The following WDPCP variants were observed in gnomAD, a reference collection of about 807,000 sequenced individuals.
WDPCP encodes the protein WD repeat containing planar cell polarity effector, also known as WD repeat-containing and planar cell polarity effector protein fritz homolog.
A neutral mutation model predicts 93.1 loss-of-function variants in WDPCP; 71 were observed. That is an observed-to-expected ratio of 0.76 (90% CI 0.63 to 0.93). The LOEUF (loss-of-function observed/expected upper bound fraction) is 0.93, where lower values mean the gene tolerates loss of function less well. Among genes scored for constraint, WDPCP ranks in the 40% least tolerant of loss-of-function variants. WDPCP has a pLI of 0.00. For missense variants in WDPCP, 844 were observed against 887.4 expected (o/e 0.95, Z 0.62); for synonymous variants, 315 against 315.0 (o/e 1.00, Z 0.00).
At chr2:63,289,968 G>T (rs1684283987) in intron 13 of WDPCP, among the ~76,000 whole-genome samples, 1 of 151,290 alleles carries the variant, frequency 6.6e-6, no homozygotes, top group Non-Finnish European at 1.5e-5. Context: ...AATAATTAAA[G>T]TGCTTCCCTT....
At chr2:63,440,238 C>T (rs1056044763) in intron 6 of WDPCP, 1 of 186,484 alleles carries the variant, frequency 5.4e-6, no homozygotes, top group African/African-American at 2.4e-5. Flanking sequence ...CTATTATAAA[C>T]TAAAACATTT....
At chr2:63,247,216 A>C (rs1446191252) in intron 14 of WDPCP, among the ~76,000 whole-genome samples, 2 of 152,140 alleles carry the variant, frequency 1.3e-5, no homozygotes, top group Non-Finnish European at 2.9e-5. Flanking sequence ...CTATGCAGTA[A>C]TCTTTTACTC....
chr2:63,654,951 T>A (rs1404671008), intron 2 of WDPCP, among the ~76,000 whole-genome samples: 1 of 152,188 alleles, frequency 6.6e-6, no homozygotes, highest in African/African-American at 2.4e-5. Context: ...TGCTCTCAGC[T>A]CCTCATGCCT....
At chr2:63,691,189 T>C (rs1212841089) in intron 2 of WDPCP, among the ~76,000 whole-genome samples, 1 of 152,198 alleles carries the variant, frequency 6.6e-6, no homozygotes, top group Non-Finnish European at 1.5e-5. Context: ...TGGGGGATGG[T>C]TGACTCCATA....
rs150035338 is a variant in WDPCP at position 63,450,418 on chromosome 2, C to T, written c.385-10547G>A. On this transcript the variant is annotated intron_variant, in intron 6 of 17. Transcript: ENST00000272321. The stretch of plus-strand genomic sequence containing the variant: ...CCCAGGACCGAAAGAGTCATCCCAC[C>T]ACTGCTACTGGCATCACCCATACCA... Among the ~76,000 whole-genome samples, 15 of 152,314 alleles carry T rather than the reference C, an allele frequency of 9.8e-5. No homozygotes were observed. In the East Asian group the frequency reaches 2.7e-3, roughly 27 times the overall value.
intron 3 of WDPCP, among the ~76,000 whole-genome samples, chr2:63,647,006 C>G (rs116000077): frequency 0.011 from 1,732 of 152,276 alleles, 38 homozygotes; most frequent in African/African-American, 0.04. Flanking sequence ...ACTCCTATCT[C>G]TTCCTCTACA....
intron 2 of WDPCP, among the ~76,000 whole-genome samples, chr2:63,776,683 T>G (rs1387342040): frequency 7.6e-6 from 1 of 132,448 alleles, no homozygotes; most frequent in African/African-American, 2.8e-5. Flanking sequence ...AAAAAAGATA[T>G]AAAGATAGAA....
chr2:63,124,663 G>C (rs1329629711), intron 17 of WDPCP, among the ~76,000 whole-genome samples: 1 of 152,138 alleles, frequency 6.6e-6, no homozygotes, highest in African/African-American at 2.4e-5. Context: ...CTAACAGTCT[G>C]TCTTGAAGTT....
intron 2 of WDPCP, among the ~76,000 whole-genome samples, chr2:63,742,708 G>C (rs959870409): frequency 6.7e-6 from 1 of 148,408 alleles, no homozygotes; most frequent in Non-Finnish European, 1.5e-5. Context: ...ACATAAAAAC[G>C]TTGGTGGATT....
At chr2:63,700,913 C>G (rs1484166421) in intron 2 of WDPCP, among the ~76,000 whole-genome samples, 3 of 152,114 alleles carry the variant, frequency 2.0e-5, no homozygotes, top group Non-Finnish European at 4.4e-5. Flanking sequence ...AACTATGAAA[C>G]TACTAGAAGA....
chr2:63,588,581 C>A (rs957254490), upstream of WDPCP: 1 of 537,386 alleles, frequency 1.9e-6, no homozygotes. Context: ...CCACGTTTAC[C>A]CTCATGGGAG....
chr2:63,419,443 T>G (rs1695683400), intron 9 of WDPCP, among the ~76,000 whole-genome samples: 1 of 152,172 alleles, frequency 6.6e-6, no homozygotes, highest in African/African-American at 2.4e-5. Flanking sequence ...CCCGGCCCCT[T>G]AAGTGTATCT....
intron 10 of WDPCP, among the ~76,000 whole-genome samples, chr2:63,388,208 G>A (rs1692908845): frequency 6.6e-6 from 1 of 152,092 alleles, no homozygotes; most frequent in South Asian, 2.1e-4. Flanking sequence ...CAGAAGACGG[G>A]TGATTTCTGC....
At chr2:63,797,370 C>G (rs938732448) in intron 2 of WDPCP, among the ~76,000 whole-genome samples, 1 of 152,034 alleles carries the variant, frequency 6.6e-6, no homozygotes, top group Non-Finnish European at 1.5e-5. Flanking sequence ...TAGGACAGAG[C>G]ACCAAGTGGC....
At chr2:63,169,914 G>T (rs1392843629) in intron 15 of WDPCP, among the ~76,000 whole-genome samples, 23 of 145,364 alleles carry the variant, frequency 1.6e-4, no homozygotes, top group Non-Finnish European at 4.5e-5. Flanking sequence ...TTTTTTTTGA[G>T]ACCCTATCAC....
intron 9 of WDPCP, among the ~76,000 whole-genome samples, chr2:63,430,540 A>AT (rs1392291140): frequency 6.6e-6 from 1 of 152,138 alleles, no homozygotes; most frequent in African/African-American, 2.4e-5. Context: ...TTTCAAAAGA[A>AT]TTTTTTCTTA....
At position 63,487,546 on chromosome 2, in the gene WDPCP, T is replaced by C. The variant is rs773709525; in HGVS notation, c.161-52A>G. ...ATTATGATTTAAAAGTCCCAGAGAA[T>C]AAGAAGCCAAGCCATACTATATTAG... On this transcript the variant is annotated intron_variant, in intron 2 of 17. Coordinates refer to ENST00000272321, the MANE Select transcript of WDPCP (RefSeq NM_015910.7). 68 of 1,364,794 alleles carry C rather than the reference T, an allele frequency of 5.0e-5. 1 individual carries two copies. Among genetic ancestry groups the C allele is most frequent in the Non-Finnish European group, 6.6e-5 (64 of 966,974 alleles). 84.5% of individuals were successfully genotyped at this position (1,364,794 alleles called of 1,614,324 possible). A position where few individuals can be genotyped will look rare whatever the true frequency, so the allele number is the denominator to read the frequency against.
chr2:63,375,091 AATT>A lies in WDPCP; in HGVS notation c.1748+3292_1748+3294del, dbSNP rs1691735384. 6.6e-5 allele frequency among the ~76,000 whole-genome samples: 10 copies of A among 152,226 alleles called. No individual in the cohort carries two copies. The South Asian group carries it at 2.1e-3, about 32-fold the overall frequency. On this transcript the variant is annotated intron_variant, in intron 12 of 17. Coordinates refer to ENST00000272321, the MANE Select transcript of WDPCP (RefSeq NM_015910.7). The stretch of plus-strand genomic sequence containing the variant: ...TAAGAAGGGGGAAAAGTTAAAAATA[AATT>A]ATTAACTCTTTATAATACATTATAT...
At chr2:63,688,811 T>C (rs1668849436) in intron 2 of WDPCP, among the ~76,000 whole-genome samples, 1 of 152,172 alleles carries the variant, frequency 6.6e-6, no homozygotes, top group Non-Finnish European at 1.5e-5. Context: ...TGAAATTTGA[T>C]TGCCAATATA....
Sources: gnomAD v4.1 joint callset for allele counts (sites outside exome capture counted in the v4.1 genomes callset) on GRCh38, gnomAD v4.1.1 for gene constraint, MANE v1.5 for transcripts, NCBI Gene and HGNC (gene_info 2026-07-23, HGNC 2026-07-21) for gene names.